The following ATP7B variants were observed in gnomAD, a reference collection of about 807,000 sequenced individuals.
ATP7B encodes ATPase copper transporting beta, also known as copper-transporting ATPase 2.
ATP7B carries 113 observed loss-of-function variants against 118.9 expected under a neutral mutation model. The ratio of observed to expected loss-of-function variants is 0.95; its 90% confidence interval spans 0.82 to 1.11. The LOEUF is 1.11. Ranked by LOEUF, ATP7B falls within the 50% of genes most tolerant of loss-of-function variation. The probability of loss-of-function intolerance (pLI) is 0.00; values close to 1 mark genes in which losing one functional copy is unlikely to be tolerated. For synonymous variants in ATP7B, 777 were observed against 727.4 expected (o/e 1.07, Z -1.10); for missense variants, 1,867 against 1,871.4 (o/e 1.00, Z 0.04).
intron 12 of ATP7B, among the ~76,000 whole-genome samples, chr13:51,947,407 GT>G (rs1172461272): frequency 6.6e-5 from 10 of 152,100 alleles, no homozygotes; most frequent in Middle Eastern, 3.4e-3. Flanking sequence ...CAGACACTTG[GT>G]ATTATTTGCA....
intron 9 of ATP7B, 34 bp downstream of exon 9, chr13:51,957,482 C>T: frequency 6.3e-7 from 1 of 1,588,840 alleles, no homozygotes; most frequent in Non-Finnish European, 8.6e-7. Context: ...TTGATAGATA[C>T]CAACCACAAA....
At chr13:51,975,223 C>T (rs746736220) in intron 1 of ATP7B, 55 bp from the exon 2 acceptor site, 4 of 1,591,292 alleles carry the variant, frequency 2.5e-6, no homozygotes, top group South Asian at 1.1e-5. Flanking sequence ...TTTTCTACAA[C>T]ATCCCAGCTT....
At chr13:51,984,560 G>C (rs1593822791) in intron 1 of ATP7B, among the ~76,000 whole-genome samples, 1 of 152,112 alleles carries the variant, frequency 6.6e-6, no homozygotes, top group African/African-American at 2.4e-5. Context: ...AGGAAATACA[G>C]AGAACACAAC....
At chr13:51,997,877 G>A (rs1953289056) in intron 1 of ATP7B, among the ~76,000 whole-genome samples, 1 of 152,164 alleles carries the variant, frequency 6.6e-6, no homozygotes, top group African/African-American at 2.4e-5. Flanking sequence ...ACCAAGATGA[G>A]CGGGGAGGGT....
upstream of ATP7B, chr13:52,012,112 C>A: frequency 5.6e-6 from 3 of 539,910 alleles, no homozygotes; most frequent in Middle Eastern, 5.1e-4. Flanking sequence ...GGCGCCCAGG[C>A]GGGGGCTTCT....
intron 1 of ATP7B, among the ~76,000 whole-genome samples, chr13:51,999,017 C>T (rs908958049): frequency 1.3e-5 from 2 of 152,136 alleles, no homozygotes; most frequent in Admixed American, 6.5e-5. Flanking sequence ...ATGTTGGGTT[C>T]CCAAGAAGAG....
rs1292956745 is a variant in ATP7B at position 51,949,998 on chromosome 13, C to T, written c.2730+9G>A. On this transcript the variant is annotated intron_variant, in intron 11 of 20. Coordinates refer to ENST00000242839, the MANE Select transcript of ATP7B (RefSeq NM_000053.4). Reference sequence around the variant, plus strand: ...AAGATGAAGTTAGTTTTAAAAATTTCTTCATTACCTTTGACATCTGAGCCT... The same window carrying T: ...AAGATGAAGTTAGTTTTAAAAATTTTTTCATTACCTTTGACATCTGAGCCT... The T allele has an allele frequency of 6.2e-7, 1 of 1,614,068 alleles. No individual in the cohort carries two copies. Among genetic ancestry groups the T allele is most frequent in the Admixed American group, 1.7e-5 (1 of 60,006 alleles).
At chr13:52,004,025 A>AG (rs991627353) in intron 1 of ATP7B, among the ~76,000 whole-genome samples, 10 of 152,178 alleles carry the variant, frequency 6.6e-5, no homozygotes, top group African/African-American at 2.2e-4. Flanking sequence ...TGGGAGGCCG[A>AG]GGGGGGCGGA....
At chr13:51,979,887 C>T (rs1217371627) in intron 1 of ATP7B, among the ~76,000 whole-genome samples, 1 of 152,188 alleles carries the variant, frequency 6.6e-6, no homozygotes, top group Admixed American at 6.5e-5. Context: ...CAGAGGCCCC[C>T]CTTTCTAGAC....
Position 51,960,275 on chromosome 13 carries a change from A to G in ATP7B, c.1994T>C (p.Met665Thr). Residue 665 changes from methionine (M) to threonine (T), a missense_variant, in exon 7 of 21, where the codon ATG becomes ACG. Met to Thr is a moderately conservative substitution (Grantham distance 81). Coordinates refer to ENST00000242839, the MANE Select transcript of ATP7B (RefSeq NM_000053.4). ...LCSLVFGIPV[M>T]ALMIYMLIPS... ...TATCAGCATATAGATCATTAAGGCC[A>G]TGACAGGGATGCCAAACACCAGGCT... 2 of 1,613,944 alleles carry G rather than the reference A, an allele frequency of 1.2e-6. No homozygotes were observed. The highest frequency in any genetic ancestry group is 8.5e-7 in the Non-Finnish European group (1 of 1,179,860).
Position 51,944,173 on chromosome 13 carries a change from A to G in ATP7B, c.3179T>C (p.Val1060Ala), listed in dbSNP as rs757693695. 2 of 1,614,098 alleles carry G rather than the reference A, an allele frequency of 1.2e-6. No homozygotes were observed. The highest frequency in any genetic ancestry group is 8.5e-7 in the Non-Finnish European group (1 of 1,179,998). Reference protein sequence around the residue: ...TLPLRKVLAVVGTAEASSEHP... With the variant: ...TLPLRKVLAVAGTAEASSEHP... ...TTCACTGCTGGCCTCCGCAGTCCCC[A>G]CCACAGCCAGAACCTTCCTGAGGGG... The change falls in exon 14 of 21, where the codon GTG becomes GCG. Residue 1060 changes from valine to alanine, a missense_variant. Physicochemically the swap from Val to Ala is moderately conservative, Grantham distance 64 (BLOSUM62 0). Coordinates refer to ENST00000242839, the MANE Select transcript of ATP7B (RefSeq NM_000053.4).
intron 3 of ATP7B, 73 bp downstream of exon 3, chr13:51,970,419 T>C: frequency 6.3e-7 from 1 of 1,596,492 alleles, no homozygotes; most frequent in East Asian, 2.2e-5. Context: ...ACACAGTTGC[T>C]GGGTATTCTG....
intron 1 of ATP7B, among the ~76,000 whole-genome samples, chr13:51,996,917 C>T (rs1953238774): frequency 1.3e-5 from 2 of 152,208 alleles, no homozygotes; most frequent in South Asian, 4.1e-4. Flanking sequence ...AAAGAACCTG[C>T]CTCAATTTCC....
intron 1 of ATP7B, among the ~76,000 whole-genome samples, chr13:52,002,408 T>C (rs542451328): frequency 6.8e-6 from 1 of 146,474 alleles, no homozygotes; most frequent in Non-Finnish European, 1.5e-5. Flanking sequence ...AAAAAAAAAA[T>C]GTTTTTAATT....
intron 1 of ATP7B, among the ~76,000 whole-genome samples, chr13:51,984,596 C>T (rs943570260): frequency 2.0e-5 from 3 of 151,938 alleles, no homozygotes; most frequent in African/African-American, 7.3e-5. Context: ...GAAGAGCAAC[C>T]CCAAGACACA....
intron 1 of ATP7B, 41 bp downstream of exon 1, chr13:52,011,246 G>C: frequency 1.2e-6 from 2 of 1,614,062 alleles, no homozygotes; most frequent in Non-Finnish European, 1.7e-6. Flanking sequence ...CCTCCTGGTG[G>C]GAGTGAGCAC....
chr13:51,953,090 G>A (rs1958108707), intron 9 of ATP7B, among the ~76,000 whole-genome samples: 2 of 152,240 alleles, frequency 1.3e-5, no homozygotes, highest in South Asian at 2.1e-4. Flanking sequence ...AGTGCTGGGA[G>A]TATACCTGTG....
chr13:51,947,540 T>C (rs1435491697), intron 12 of ATP7B, among the ~76,000 whole-genome samples: 1 of 152,240 alleles, frequency 6.6e-6, no homozygotes, highest in Admixed American at 6.5e-5. Flanking sequence ...GGTAAGGCTA[T>C]GGACCACAGC....
Position 51,949,696 on chromosome 13 carries a change from A to T in ATP7B, c.2831T>A (p.Phe944Tyr). The change falls in exon 12 of 21, where the codon TTT becomes TAT. Residue 944 changes from phenylalanine (F) to tyrosine (Y), a missense_variant. By Grantham distance (22) the Phe-to-Tyr change is conservative. Transcript: ENST00000242839. ...TCTCTGAACAACACCAAAATCGATA[A>T]AACCGATTACAATCCATACCACCAA... ...LTLVVWIVIGFIDFGVVQRYF... is the reference protein window; with the variant it reads ...LTLVVWIVIGYIDFGVVQRYF... 1 of 1,614,124 alleles carries T rather than the reference A, an allele frequency of 6.2e-7. No homozygotes were observed. The highest frequency in any genetic ancestry group is 8.5e-7 in the Non-Finnish European group (1 of 1,180,034).
Sources: allele counts gnomAD v4.1 joint callset (sites outside exome capture counted in the v4.1 genomes callset), GRCh38; gene constraint gnomAD v4.1.1; transcripts MANE v1.5; gene names NCBI Gene and HGNC (gene_info 2026-07-23, HGNC 2026-07-21).